Variants in BRINP3 observed in about 807,000 individuals in gnomAD.
BRINP3 encodes the protein BMP/retinoic acid-inducible neural-specific protein 3.
A neutral mutation model predicts 71.0 loss-of-function variants in BRINP3; 19 were observed. The observed-to-expected ratio is 0.27, with a 90% CI of 0.19 to 0.39. The LOEUF (loss-of-function observed/expected upper bound fraction) is 0.39. BRINP3 is among the 10% of genes least tolerant of loss of function. BRINP3 has a pLI of 1.00. For synonymous variants in BRINP3, 380 were observed against 337.7 expected (o/e 1.13, Z -1.37); for missense variants, 959 against 940.8 (o/e 1.02, Z -0.25).
rs377516098 is a variant in BRINP3 at position 190,097,981 on chromosome 1, C to T, written c.*37G>A. The T allele has an allele frequency of 1.4e-5, 22 of 1,555,978 alleles. No homozygotes were observed. Among genetic ancestry groups the T allele is most frequent in the Non-Finnish European group, 6.1e-6 (7 of 1,154,010 alleles). The stretch of plus-strand genomic sequence containing the variant: ...CTGTTCCACAAAAGCACTGTAAAAA[C>T]TCCTTCAAGATTTTGGGTTGTGCTT... On this transcript the variant is annotated 3_prime_UTR_variant, in exon 8 of 8. Coordinates refer to ENST00000367462, the MANE Select transcript of BRINP3 (RefSeq NM_199051.3).
intron 2 of BRINP3, among the ~76,000 whole-genome samples, chr1:190,442,653 C>CGT (rs143217236): frequency 6.6e-5 from 10 of 151,354 alleles, no homozygotes; most frequent in African/African-American, 1.2e-4. Flanking sequence ...AAGGTACTTA[C>CGT]GTGTGTGTGT....
intron 3 of BRINP3, among the ~76,000 whole-genome samples, chr1:190,267,986 A>G (rs966681740): frequency 6.6e-6 from 1 of 152,122 alleles, no homozygotes; most frequent in Admixed American, 6.6e-5. Flanking sequence ...CATCATATAC[A>G]ATATATTTTA....
At chr1:190,377,044 A>C (rs1281904715) in intron 2 of BRINP3, among the ~76,000 whole-genome samples, 1 of 151,924 alleles carries the variant, frequency 6.6e-6, no homozygotes, top group Non-Finnish European at 1.5e-5. Flanking sequence ...CAAATAAGAA[A>C]ATTTTAATTA....
At chr1:190,364,722 T>C (rs1203874777) in intron 2 of BRINP3, among the ~76,000 whole-genome samples, 3 of 152,076 alleles carry the variant, frequency 2.0e-5, no homozygotes, top group African/African-American at 7.2e-5. Context: ...CAAATTTCAA[T>C]AAAATATAGT....
intron 2 of BRINP3, among the ~76,000 whole-genome samples, chr1:190,448,455 C>T (rs1200332258): frequency 2.0e-4 from 24 of 122,150 alleles, no homozygotes; most frequent in Non-Finnish European, 4.1e-4. Context: ...CACCCCTACA[C>T]TTGGGGTTTG....
At chr1:190,393,571 A>G (rs1407813298) in intron 2 of BRINP3, among the ~76,000 whole-genome samples, 1 of 151,664 alleles carries the variant, frequency 6.6e-6, no homozygotes, top group African/African-American at 2.4e-5. Flanking sequence ...ATTTATTTTT[A>G]ATGAACTGAT....
chr1:190,454,782 C>T lies in BRINP3; in HGVS notation c.109G>A (p.Asp37Asn), dbSNP rs1675879786. Residue 37 changes from aspartate (D) to asparagine (N), a missense_variant, in exon 2 of 8, where the codon GAT becomes AAT. Coordinates refer to ENST00000367462, the MANE Select transcript of BRINP3 (RefSeq NM_199051.3). ...TCGAAGGGGCTTGTGGCATGCTGAT[C>T]CGAAACAGCAGCAACCGCTAAAACC... is the stretch of plus-strand genomic sequence containing the variant. ...CWVLAVAAVSDQHATSPFDWL... is the reference protein window; with the variant it reads ...CWVLAVAAVSNQHATSPFDWL... 2 of 1,614,148 alleles carry T rather than the reference C, an allele frequency of 1.2e-6. No homozygotes were observed. The highest frequency in any genetic ancestry group is 1.7e-6 in the Non-Finnish European group (2 of 1,180,030).
At chr1:190,465,655 C>G (rs544576686) in intron 1 of BRINP3, among the ~76,000 whole-genome samples, 1 of 151,980 alleles carries the variant, frequency 6.6e-6, no homozygotes, top group South Asian at 2.1e-4. Context: ...CACTGATCCC[C>G]ATCCTGCTCC....
intron 7 of BRINP3, among the ~76,000 whole-genome samples, chr1:190,115,622 A>G (rs1653065383): frequency 6.6e-6 from 1 of 152,138 alleles, no homozygotes; most frequent in Non-Finnish European, 1.5e-5. Flanking sequence ...AACAATTACA[A>G]CAATAAAAAC....
intron 4 of BRINP3, among the ~76,000 whole-genome samples, chr1:190,248,867 T>C (rs1414084121): frequency 6.6e-6 from 1 of 151,846 alleles, no homozygotes; most frequent in Non-Finnish European, 1.5e-5. Flanking sequence ...GACTTTCTGT[T>C]CATTTTTATT....
intron 6 of BRINP3, among the ~76,000 whole-genome samples, chr1:190,182,638 T>C (rs1020824581): frequency 2.0e-5 from 3 of 152,124 alleles, no homozygotes; most frequent in African/African-American, 7.2e-5. Context: ...ATCTCTGGCT[T>C]GCATGATAGT....
At chr1:190,352,298 T>C (rs1373925847) in intron 2 of BRINP3, among the ~76,000 whole-genome samples, 1 of 152,034 alleles carries the variant, frequency 6.6e-6, no homozygotes, top group Non-Finnish European at 1.5e-5. Flanking sequence ...TTAATCTGTT[T>C]GGGTGATCCT....
intron 4 of BRINP3, among the ~76,000 whole-genome samples, chr1:190,248,980 T>C (rs977874375): frequency 1.3e-5 from 2 of 151,948 alleles, no homozygotes; most frequent in South Asian, 2.1e-4. Flanking sequence ...TATATTTCTT[T>C]AGAGGCTTAT....
intron 1 of BRINP3, among the ~76,000 whole-genome samples, chr1:190,471,387 A>G (rs1677128171): frequency 6.6e-6 from 1 of 151,290 alleles, no homozygotes; most frequent in Non-Finnish European, 1.5e-5. Flanking sequence ...ATTATCCATT[A>G]GCAATCAATA....
chr1:190,303,557 T>A (rs375331795), intron 2 of BRINP3, among the ~76,000 whole-genome samples: 7 of 151,814 alleles, frequency 4.6e-5, no homozygotes, highest in African/African-American at 1.4e-4. Context: ...ATTTGTTCCA[T>A]TTTTAATAAA....
chr1:190,287,937 C>T (rs1373847690), intron 2 of BRINP3, among the ~76,000 whole-genome samples: 1 of 151,862 alleles, frequency 6.6e-6, no homozygotes, highest in Non-Finnish European at 1.5e-5. Flanking sequence ...GGGTTTTATG[C>T]AAACTAAGAG....
At chr1:190,386,314 A>G (rs1402702719) in intron 2 of BRINP3, among the ~76,000 whole-genome samples, 2 of 151,704 alleles carry the variant, frequency 1.3e-5, no homozygotes, top group African/African-American at 4.8e-5. Flanking sequence ...AGTCAAAGAT[A>G]TGGGGCAACT....
chr1:190,106,201 G>C (rs896257562), intron 7 of BRINP3, among the ~76,000 whole-genome samples: 2 of 151,612 alleles, frequency 1.3e-5, no homozygotes, highest in Admixed American at 6.6e-5. Context: ...ATTACACCAG[G>C]TCACTGTTAT....
At chr1:190,277,098 T>TATATATATATAC (rs1347843134) in intron 3 of BRINP3, among the ~76,000 whole-genome samples, 4 of 110,788 alleles carry the variant, frequency 3.6e-5, no homozygotes, top group Non-Finnish European at 7.8e-5. Context: ...TATATATATA[T>TATATATATATAC]ATATATATAT....
Sources: gnomAD v4.1 joint callset for allele counts (sites outside exome capture counted in the v4.1 genomes callset) on GRCh38, gnomAD v4.1.1 for gene constraint, MANE v1.5 for transcripts, NCBI Gene and HGNC (gene_info 2026-07-23, HGNC 2026-07-21) for gene names.